SCMH1: variants seen among roughly 807,000 people sequenced by gnomAD.
SCMH1 encodes the protein Scm polycomb group protein homolog 1.
A neutral mutation model predicts 70.8 loss-of-function variants in SCMH1; 37 were observed. The observed-to-expected ratio is 0.52, with a 90% CI of 0.40 to 0.69. SCMH1 has a LOEUF of 0.69. SCMH1 is among the 30% of genes least tolerant of loss of function. The pLI, the probability that SCMH1 is intolerant of heterozygous loss-of-function variation, is 0.00. For synonymous variants in SCMH1, 292 were observed against 307.4 expected, an observed-to-expected ratio of 0.95 and a Z score of 0.52; for missense variants, 607 against 827.3, an observed-to-expected ratio of 0.73 and a Z score of 3.27.
intron 8 of SCMH1, among the ~76,000 whole-genome samples, chr1:41,103,789 G>C (rs935229801): frequency 1.3e-5 from 2 of 152,140 alleles, no homozygotes; most frequent in African/African-American, 4.8e-5. Context: ...AGAGTCAAGG[G>C]GCAGCTTAAG....
intron 11 of SCMH1, among the ~76,000 whole-genome samples, chr1:41,047,741 C>T (rs1269326174): frequency 1.3e-5 from 2 of 152,152 alleles, no homozygotes; most frequent in Non-Finnish European, 2.9e-5. Context: ...CCTGTCTGCT[C>T]CATCCTCCTC....
intron 1 of SCMH1, among the ~76,000 whole-genome samples, chr1:41,233,199 C>CAT (rs751018516): frequency 3.7e-4 from 53 of 142,948 alleles, no homozygotes; most frequent in Middle Eastern, 3.5e-3. Flanking sequence ...ATATATAAGC[C>CAT]ATATATATAT....
At chr1:41,035,156 G>A (rs542168860) in intron 13 of SCMH1, among the ~76,000 whole-genome samples, 1 of 152,316 alleles carries the variant, frequency 6.6e-6, no homozygotes, top group Admixed American at 6.5e-5. Flanking sequence ...TCTTTGGCAT[G>A]TCAAACTTTC....
At chr1:41,188,601 G>A (rs913210669) in intron 1 of SCMH1, among the ~76,000 whole-genome samples, 22 of 152,076 alleles carry the variant, frequency 1.4e-4, no homozygotes, top group African/African-American at 3.4e-4. Flanking sequence ...TAATGACTCC[G>A]TATTTCTGGA....
intron 8 of SCMH1, among the ~76,000 whole-genome samples, chr1:41,081,532 T>C (rs754865948): frequency 1.2e-4 from 18 of 152,210 alleles, no homozygotes; most frequent in Non-Finnish European, 2.5e-4. Flanking sequence ...ACACATATAT[T>C]ATTTGTTGGG....
At chr1:41,190,739 A>G (rs2148663757) in intron 1 of SCMH1, among the ~76,000 whole-genome samples, 1 of 152,302 alleles carries the variant, frequency 6.6e-6, no homozygotes, top group East Asian at 1.9e-4. Flanking sequence ...GCCTTACAGA[A>G]GTGTGATATG....
At chr1:41,104,373 T>C (rs988034500) in intron 8 of SCMH1, among the ~76,000 whole-genome samples, 1 of 152,178 alleles carries the variant, frequency 6.6e-6, no homozygotes, top group African/African-American at 2.4e-5. Flanking sequence ...GGAAATGGTA[T>C]ATAAATAGGG....
At chr1:41,149,404 T>C (rs1178074738) in intron 5 of SCMH1, among the ~76,000 whole-genome samples, 2 of 152,208 alleles carry the variant, frequency 1.3e-5, no homozygotes, top group African/African-American at 2.4e-5. Context: ...ATAACAAATA[T>C]ATTAAAATAA....
chr1:41,065,141 T>C (rs530755030), intron 10 of SCMH1, among the ~76,000 whole-genome samples: 4 of 152,334 alleles, frequency 2.6e-5, no homozygotes, highest in Non-Finnish European at 4.4e-5. Flanking sequence ...AATGTAGAGA[T>C]TGACTGCAAT....
chr1:41,031,634 T>C (rs1260000619), intron 13 of SCMH1, among the ~76,000 whole-genome samples: 1 of 152,180 alleles, frequency 6.6e-6, no homozygotes, highest in Non-Finnish European at 1.5e-5. Context: ...GAGGGGGCTC[T>C]GTGAGCCAGT....
At chr1:41,162,769 G>A (rs1156895343) in intron 2 of SCMH1, 1 of 152,178 alleles carries the variant, frequency 6.6e-6, no homozygotes. Context: ...CACTTGTTGG[G>A]AAAACCTACC....
intron 4 of SCMH1, among the ~76,000 whole-genome samples, chr1:41,158,689 C>A (rs551026774): frequency 6.6e-6 from 1 of 151,998 alleles, no homozygotes. Context: ...AGTCTTCAAG[C>A]GTTTGGGGTG....
exon 4 of SCMH1, chr1:41,160,885 G>A: frequency 6.5e-7 from 1 of 1,550,230 alleles, no homozygotes. Context: ...CTAGATCCAG[G>A]ATGTCAGCAG....
chr1:41,182,621 G>A (rs1649117892), intron 2 of SCMH1, among the ~76,000 whole-genome samples: 1 of 152,028 alleles, frequency 6.6e-6, no homozygotes, highest in South Asian at 2.1e-4. Context: ...TGCGATGGGA[G>A]GATTGCTTGA....
intron 1 of SCMH1, among the ~76,000 whole-genome samples, chr1:41,228,624 T>TA (rs1196701763): frequency 0.012 from 1,713 of 141,318 alleles, 30 homozygotes; most frequent in African/African-American, 0.042. Flanking sequence ...TTCTACAAAA[T>TA]AAAAAAAAAA....
intron 11 of SCMH1, 74 bp downstream of exon 11, chr1:41,048,616 C>T: frequency 7.5e-7 from 1 of 1,331,374 alleles, no homozygotes; most frequent in Non-Finnish European, 1.1e-6. Context: ...AACCAGGATG[C>T]CTTACAAGAA....
chr1:41,062,990 G>C (rs2148821757), intron 10 of SCMH1, among the ~76,000 whole-genome samples: 1 of 151,806 alleles, frequency 6.6e-6, no homozygotes, highest in South Asian at 2.1e-4. Context: ...GGATAGAGCA[G>C]AAGCAGTGTT....
Position 41,033,962 on chromosome 1 carries a change from TAA to T in SCMH1, c.1678+3398_1678+3399del. 1 of 1,613,680 alleles carries T rather than the reference TAA, an allele frequency of 6.2e-7. No homozygotes were observed. Among genetic ancestry groups the T allele is most frequent in the Non-Finnish European group, 8.5e-7 (1 of 1,179,750 alleles). ...AACAGGGCCTTGGGGAAGATAAAAA[TAA>T]CAGTAACTCCCCTCATACCTGGGGA... On this transcript the variant is annotated intron_variant, in intron 13 of 14. Coordinates refer to ENST00000337495, the Ensembl canonical transcript of SCMH1.
chr1:41,114,271 A>G (rs1669909533), intron 7 of SCMH1, among the ~76,000 whole-genome samples: 1 of 152,208 alleles, frequency 6.6e-6, no homozygotes, highest in Admixed American at 6.5e-5. Flanking sequence ...AACATTGTAT[A>G]CTTTCACCGG....
Sources: gnomAD v4.1 joint callset for allele counts (sites outside exome capture counted in the v4.1 genomes callset) on GRCh38, gnomAD v4.1.1 for gene constraint, MANE v1.5 for transcripts, NCBI Gene and HGNC (gene_info 2026-07-23, HGNC 2026-07-21) for gene names.